The following RNLS variants were observed in gnomAD, a reference collection of about 807,000 sequenced individuals.
The protein encoded by RNLS is renalase, FAD dependent amine oxidase.
Under a neutral mutation model 39.8 loss-of-function variants are expected in RNLS, and 39 were observed. The observed-to-expected ratio is 0.98, with a 90% CI of 0.76 to 1.28. RNLS has a LOEUF of 1.28. Ranked by LOEUF, RNLS falls within the 50% of genes most tolerant of loss-of-function variation. The probability of loss-of-function intolerance (pLI) is 0.00; values close to 1 mark genes in which losing one functional copy is unlikely to be tolerated. For missense variants in RNLS, 410 were observed against 413.3 expected (o/e 0.99, Z 0.07); for synonymous variants, 147 against 150.7 (o/e 0.98, Z 0.18).
At chr10:88,560,556 C>G (rs1271369438) in intron 4 of RNLS, among the ~76,000 whole-genome samples, 1 of 152,078 alleles carries the variant, frequency 6.6e-6, no homozygotes, top group East Asian at 1.9e-4. Context: ...TTCCAAACCC[C>G]GTAAGCAGAG....
intron 5 of RNLS, among the ~76,000 whole-genome samples, chr10:88,333,412 TTTCTTAA>T (rs1847257809): frequency 6.6e-6 from 1 of 152,134 alleles, no homozygotes; most frequent in Non-Finnish European, 1.5e-5. Flanking sequence ...CTGTCAGTGG[TTTCTTAA>T]TACCCTTCCT....
the RNLS span, among the ~76,000 whole-genome samples, chr10:88,254,767 A>G: frequency 6.6e-6 from 1 of 152,248 alleles, no homozygotes; most frequent in African/African-American, 2.4e-5. Context: ...AACCTTCTCA[A>G]GATAGTACCT....
chr10:88,504,620 T>C (rs1845684840), intron 4 of RNLS, among the ~76,000 whole-genome samples: 1 of 152,022 alleles, frequency 6.6e-6, no homozygotes, highest in Non-Finnish European at 1.5e-5. Context: ...AAAGAAACAA[T>C]TGTAATACAC....
chr10:88,559,476 C>G (rs1437969623), intron 4 of RNLS, among the ~76,000 whole-genome samples: 1 of 152,132 alleles, frequency 6.6e-6, no homozygotes, highest in African/African-American at 2.4e-5. Flanking sequence ...AAATCCATCT[C>G]TCTGGTTTTA....
the RNLS span, among the ~76,000 whole-genome samples, chr10:88,213,326 C>G: frequency 3.9e-5 from 6 of 151,934 alleles, no homozygotes; most frequent in African/African-American, 1.5e-4. Context: ...TTTCATAAAA[C>G]TACAATTCCT....
At position 88,389,858 on chromosome 10, in the gene RNLS, A is replaced by G. The variant is rs1029053437; in HGVS notation, c.527-27133T>C. On this transcript the variant is annotated intron_variant, in intron 4 of 6. Transcript: ENST00000331772. ...TGCTATAAAGGAAGAGCAATGACAT[A>G]AATACATACAATTCCAAATCCATTA... Among the ~76,000 whole-genome samples the G allele has an allele frequency of 3.3e-5, 5 of 152,216 alleles. No individual in the cohort carries two copies. The South Asian group carries it at 1.0e-3, about 32-fold the overall frequency.
intron 4 of RNLS, among the ~76,000 whole-genome samples, chr10:88,369,696 T>C (rs966302007): frequency 5.9e-5 from 9 of 152,158 alleles, no homozygotes; most frequent in African/African-American, 2.2e-4. Flanking sequence ...ATTCTTTTTT[T>C]GGAGACAGAA....
At chr10:88,236,642 T>A in the RNLS span, among the ~76,000 whole-genome samples, 2 of 152,182 alleles carry the variant, frequency 1.3e-5, no homozygotes, top group Admixed American at 1.3e-4. Context: ...TCTTCATACA[T>A]TAAATGTGCA....
intron 4 of RNLS, among the ~76,000 whole-genome samples, chr10:88,510,406 A>C (rs1333828276): frequency 6.6e-6 from 1 of 152,132 alleles, no homozygotes; most frequent in Non-Finnish European, 1.5e-5. Context: ...TGTCCCTTAA[A>C]AACTCCACTG....
chr10:88,191,669 G>A, the RNLS span, among the ~76,000 whole-genome samples: 1 of 152,208 alleles, frequency 6.6e-6, no homozygotes, highest in African/African-American at 2.4e-5. Flanking sequence ...GAGAGAATAT[G>A]TTTTGGTTGC....
At chr10:88,262,716 A>G in the RNLS span, among the ~76,000 whole-genome samples, 1 of 152,204 alleles carries the variant, frequency 6.6e-6, no homozygotes, top group Non-Finnish European at 1.5e-5. Flanking sequence ...ACATCACAGA[A>G]TCACACATTT....
chr10:88,182,269 A>C, the RNLS span, among the ~76,000 whole-genome samples: 1 of 152,110 alleles, frequency 6.6e-6, no homozygotes, highest in Non-Finnish European at 1.5e-5. Flanking sequence ...ATATCACCCC[A>C]GGTGACCGGA....
chr10:88,467,858 G>A (rs1020939268), intron 4 of RNLS, among the ~76,000 whole-genome samples: 1 of 152,130 alleles, frequency 6.6e-6, no homozygotes, highest in Non-Finnish European at 1.5e-5. Flanking sequence ...TAGAAAGGTA[G>A]AATCTCAGGC....
At chr10:88,540,664 T>C (rs1189472897) in intron 4 of RNLS, among the ~76,000 whole-genome samples, 2 of 152,130 alleles carry the variant, frequency 1.3e-5, no homozygotes, top group Non-Finnish European at 2.9e-5. Flanking sequence ...CTTACATTTG[T>C]AATAAATGTC....
chr10:88,532,430 T>C (rs1373785887), intron 4 of RNLS, among the ~76,000 whole-genome samples: 1 of 152,018 alleles, frequency 6.6e-6, no homozygotes, highest in East Asian at 1.9e-4. Flanking sequence ...TTCCATAATC[T>C]AGTTTTATGA....
chr10:88,275,201 A>G (rs948243063), intron 6 of RNLS, among the ~76,000 whole-genome samples: 7 of 148,210 alleles, frequency 4.7e-5, no homozygotes. Flanking sequence ...AGGAGCTGCC[A>G]CCAAGCAGGA....
At chr10:88,176,791 T>G in the RNLS span, among the ~76,000 whole-genome samples, 18,069 of 152,238 alleles carry the variant, frequency 0.12, 1,095 homozygotes, top group Middle Eastern at 0.16. Context: ...TCTTTTAATT[T>G]ATGAATTCCC....
chr10:88,247,689 C>T, the RNLS span, among the ~76,000 whole-genome samples: 2 of 152,180 alleles, frequency 1.3e-5, no homozygotes, highest in African/African-American at 2.4e-5. Flanking sequence ...ACCTGAGAGC[C>T]TGTTATGCTA....
intron 5 of RNLS, among the ~76,000 whole-genome samples, chr10:88,334,846 G>A (rs1377399505): frequency 1.3e-5 from 2 of 151,916 alleles, no homozygotes; most frequent in African/African-American, 4.8e-5. Context: ...AAAAAAAAAT[G>A]AGCAAGCAAT....
Sources: allele counts gnomAD v4.1 joint callset (sites outside exome capture counted in the v4.1 genomes callset), GRCh38; gene constraint gnomAD v4.1.1; transcripts MANE v1.5; gene names NCBI Gene and HGNC (gene_info 2026-07-23, HGNC 2026-07-21).